PDE1B: variants seen among roughly 807,000 people sequenced by gnomAD.
The protein encoded by PDE1B is dual specificity calcium/calmodulin-dependent 3',5'-cyclic nucleotide phosphodiesterase 1B.
Under a neutral mutation model 66.7 loss-of-function variants are expected in PDE1B, and 13 were observed. That is an observed-to-expected ratio of 0.19 (90% confidence interval 0.13 to 0.31). The LOEUF is 0.31. Among genes scored for constraint, PDE1B ranks in the 10% least tolerant of loss-of-function variants. The probability of loss-of-function intolerance (pLI) is 1.00; values close to 1 mark genes in which losing one functional copy is unlikely to be tolerated. For missense variants in PDE1B, 485 were observed against 682.3 expected (o/e 0.71, Z 3.22); for synonymous variants, 230 against 253.9 (o/e 0.91, Z 0.90).
At chr12:54,577,097 G>T (rs1957768750) in intron 14 of PDE1B, 128 bp from the exon 15 acceptor site, 4 of 826,538 alleles carry the variant, frequency 4.8e-6, no homozygotes, top group Middle Eastern at 3.5e-4. Context: ...GTGGGGATGG[G>T]TTGAATGTAG....
Position 54,569,304 on chromosome 12 carries a change from AGAG to A in PDE1B, c.352_354del (p.Glu118del). ...AGGCCCGGGCCAAAGGCCGCCGAGC[AGAG>A]GAGAAGCCCAAGTTCCGAAGCATTG... On this transcript the variant is annotated inframe_deletion, in exon 4 of 16. Transcript: ENST00000243052. The surrounding 1 kb of genome is among the most constrained non-coding windows in gnomAD (Gnocchi z 4.4). The A allele has an allele frequency of 6.2e-7, 1 of 1,614,034 alleles. No homozygotes were observed. The highest frequency in any genetic ancestry group is 8.5e-7 in the Non-Finnish European group (1 of 1,179,946).
intron 2 of PDE1B, among the ~76,000 whole-genome samples, chr12:54,557,834 G>C (rs772514770): frequency 3.3e-5 from 5 of 152,158 alleles, no homozygotes; most frequent in Non-Finnish European, 7.4e-5. Flanking sequence ...GGAGAAGAGG[G>C]GTGGAGAAAT....
Position 54,570,287 on chromosome 12 carries a change from C to T in PDE1B, c.524C>T (p.Ala175Val). The T allele has an allele frequency of 6.2e-7, 1 of 1,613,680 alleles. No individual in the cohort carries two copies. The highest frequency in any genetic ancestry group is 1.3e-5 in the African/African-American group (1 of 75,018). Residue 175 changes from alanine to valine, a missense_variant, in exon 6 of 16, where the codon GCA (alanine) becomes GTA (valine). Physicochemically the swap from Ala to Val is moderately conservative, Grantham distance 64 (BLOSUM62 0). This residue lies in a region of PDE1B where 282 missense variants were observed against 453.4 expected (regional missense o/e 0.62). Transcript: ENST00000243052. Reference sequence around the variant, plus strand: ...GATGTCTTTTCCTTGAACCAGGCAGCAGATGACCATGCCCTGAGGACCATT... The same window carrying T: ...GATGTCTTTTCCTTGAACCAGGCAGTAGATGACCATGCCCTGAGGACCATT... ...CFDVFSLNQA[A>V]DDHALRTIVF...
At chr12:54,577,682 A>G in intron 15 of PDE1B, 178 bp from the exon 16 acceptor site, 2 of 881,054 alleles carry the variant, frequency 2.3e-6, no homozygotes, top group Non-Finnish European at 3.2e-6. Context: ...CAGTGAGGGC[A>G]GCTGAACGTG....
At position 54,567,099 on chromosome 12, in the gene PDE1B, CGACA is replaced by C. The variant is rs749416283; in HGVS notation, c.227+19_227+22del. The C allele has an allele frequency of 2.2e-6, 3 of 1,350,892 alleles. No homozygotes were observed. The highest frequency in any genetic ancestry group is 2.9e-5 in the African/African-American group (2 of 69,828). 83.7% of individuals were successfully genotyped at this position (1,350,892 alleles called of 1,614,324 possible). ...ATAGATGAGACACGGTGAGAGAGAC[CGACA>C]GACAGAGAAGGAGAAAGATGTCAGA... On this transcript the variant is annotated intron_variant, in intron 3 of 15. Coordinates refer to ENST00000243052, the MANE Select transcript of PDE1B (RefSeq NM_000924.4).
At chr12:54,564,024 A>G (rs1006042610) in intron 2 of PDE1B, among the ~76,000 whole-genome samples, 1 of 152,040 alleles carries the variant, frequency 6.6e-6, no homozygotes, top group Non-Finnish European at 1.5e-5. Flanking sequence ...AAATCTGTTG[A>G]ACCAAACATG....
At chr12:54,560,840 G>T (rs1352629927) in intron 2 of PDE1B, among the ~76,000 whole-genome samples, 1 of 152,140 alleles carries the variant, frequency 6.6e-6, no homozygotes, top group Non-Finnish European at 1.5e-5. Context: ...AGAAAACTGG[G>T]GCTGGGGGTG....
rs180967505 is a variant in PDE1B at position 54,574,949 on chromosome 12, C to T, written c.1065-149C>T. 1,421 of 586,662 alleles carry T rather than the reference C, an allele frequency of 2.4e-3. 14 individuals are homozygous for T. The African/African-American group carries it at 0.026, about 11-fold the overall frequency. The allele number at this position is 586,662 out of a possible 1,614,324, so 36.3% of individuals were successfully genotyped here. A position where few individuals can be genotyped will look rare whatever the true frequency, so the allele number is the denominator to read the frequency against. On this transcript the variant is annotated intron_variant, in intron 10 of 15. Coordinates refer to ENST00000243052, the MANE Select transcript of PDE1B (RefSeq NM_000924.4). ...GAGATTGTGCCACTGCACTCCAGCCCGGGCAACAGAGTGAGACCCTGTCTC... is the reference window on the plus strand; with the variant it reads ...GAGATTGTGCCACTGCACTCCAGCCTGGGCAACAGAGTGAGACCCTGTCTC...
At chr12:54,560,161 C>T (rs1404936728) in intron 2 of PDE1B, among the ~76,000 whole-genome samples, 1 of 152,200 alleles carries the variant, frequency 6.6e-6, no homozygotes, top group Non-Finnish European at 1.5e-5. Context: ...TTCCACTCCT[C>T]TTGTTGAGAT....
At chr12:54,558,097 A>T (rs555820797) in intron 2 of PDE1B, among the ~76,000 whole-genome samples, 74 of 152,186 alleles carry the variant, frequency 4.9e-4, no homozygotes, top group Admixed American at 2.0e-3. Flanking sequence ...GTTGCTAGGA[A>T]CACCTGTTAG....
rs1957578525 is a variant in PDE1B, at chr12:54,569,517, G to A, written c.411-29G>A. Reference sequence around the variant, plus strand: ...CACCTCCACTCCCAGACCTTCATATGTGGGCTTCTTCTCATTGTTCTCTCT... The same window carrying A: ...CACCTCCACTCCCAGACCTTCATATATGGGCTTCTTCTCATTGTTCTCTCT... On this transcript the variant is annotated intron_variant, in intron 4 of 15. Coordinates refer to ENST00000243052, the MANE Select transcript of PDE1B (RefSeq NM_000924.4). The surrounding 1 kb of genome is among the most constrained non-coding windows in gnomAD (Gnocchi z 4.4). 1 of 1,605,772 alleles carries A rather than the reference G, an allele frequency of 6.2e-7. No homozygotes were observed. Among genetic ancestry groups the A allele is most frequent in the East Asian group, 2.2e-5 (1 of 44,832 alleles).
At chr12:54,552,000 T>C (rs1457500017) in intron 2 of PDE1B, among the ~76,000 whole-genome samples, 1 of 152,194 alleles carries the variant, frequency 6.6e-6, no homozygotes, top group Non-Finnish European at 1.5e-5. Context: ...CTACATGTAA[T>C]ATAACTTACC....
chr12:54,569,655 G>A lies in PDE1B; in HGVS notation c.477+43G>A. 7.3e-7 allele frequency: 1 copy of A among 1,373,210 alleles called. No individual in the cohort carries two copies. Among genetic ancestry groups the A allele is most frequent in the Non-Finnish European group, 1.0e-6 (1 of 960,190 alleles). 85.1% of individuals were successfully genotyped at this position (1,373,210 alleles called of 1,614,324 possible). ...GGGAAAGAGGAGAAAGTTAGGGGAT[G>A]GAATAGCCACTGGGACTTCTAGACC... On this transcript the variant is annotated intron_variant, in intron 5 of 15. Coordinates refer to ENST00000243052, the MANE Select transcript of PDE1B (RefSeq NM_000924.4). This position sits in a 1 kb window ranked among gnomAD's most constrained non-coding sequence, Gnocchi z 4.4.
chr12:54,559,950 G>A (rs774925440), intron 2 of PDE1B, among the ~76,000 whole-genome samples: 2 of 152,166 alleles, frequency 1.3e-5, no homozygotes, highest in African/African-American at 2.4e-5. Flanking sequence ...CTCCTGGGTG[G>A]CATTCAGGGT....
intron 2 of PDE1B, chr12:54,561,394 G>A: frequency 8.6e-7 from 1 of 1,157,418 alleles, no homozygotes; most frequent in South Asian, 2.8e-5. Flanking sequence ...CGGTAGGCTG[G>A]GTCTCTGCCT....
chr12:54,553,348 TC>T (rs903864249), intron 2 of PDE1B, among the ~76,000 whole-genome samples: 1 of 152,228 alleles, frequency 6.6e-6, no homozygotes, highest in African/African-American at 2.4e-5. Context: ...AGATGGAACT[TC>T]CCCCTTCCTT....
intron 2 of PDE1B, among the ~76,000 whole-genome samples, chr12:54,565,789 C>A (rs900812146): frequency 6.6e-6 from 1 of 152,148 alleles, no homozygotes; most frequent in Non-Finnish European, 1.5e-5. Flanking sequence ...CCAAAGCTGC[C>A]GAGACCCCGG....
intron 15 of PDE1B, chr12:54,577,643 G>T: frequency 7.8e-7 from 1 of 1,288,780 alleles, no homozygotes; most frequent in Non-Finnish European, 1.0e-6. Context: ...GAGGGTTAGG[G>T]AAAAGGAGCC....
intron 10 of PDE1B, 105 bp from the exon 11 acceptor site, chr12:54,574,993 A>AT: frequency 4.1e-5 from 36 of 871,016 alleles, no homozygotes; most frequent in Non-Finnish European, 5.2e-5. Context: ...AAAAAAAAAA[A>AT]GGAAGAAGTT....
Sources: gnomAD v4.1 joint callset for allele counts (sites outside exome capture counted in the v4.1 genomes callset) on GRCh38, gnomAD v4.1.1 for gene constraint, gnomAD v4.1.1 regional missense constraint, Gnocchi (gnomAD v3.1) non-coding constraint, MANE v1.5 for transcripts, NCBI Gene and HGNC (gene_info 2026-07-23, HGNC 2026-07-21) for gene names.